The following ATP8A1 variants were observed in gnomAD, a reference collection of about 807,000 sequenced individuals.
ATP8A1 encodes the protein phospholipid-transporting ATPase IA.
A neutral mutation model predicts 177.7 loss-of-function variants in ATP8A1; 90 were observed. The ratio of observed to expected loss-of-function variants is 0.51; its 90% CI spans 0.43 to 0.60. The LOEUF (loss-of-function observed/expected upper bound fraction) is 0.60. Among genes scored for constraint, ATP8A1 ranks in the 20% least tolerant of loss-of-function variants. The probability of loss-of-function intolerance (pLI) is 0.00; values close to 1 mark genes in which losing one functional copy is unlikely to be tolerated. For missense variants in ATP8A1, 1,072 were observed against 1,392.8 expected (o/e 0.77, Z 3.67); for synonymous variants, 493 against 485.9 (o/e 1.01, Z -0.19).
intron 11 of ATP8A1, among the ~76,000 whole-genome samples, chr4:42,579,250 C>T (rs1338951048): frequency 1.3e-5 from 2 of 151,304 alleles, no homozygotes; most frequent in South Asian, 4.2e-4. Flanking sequence ...ATAGGACTTA[C>T]CACATTACTG....
chr4:42,435,175 C>G (rs1176487354), intron 33 of ATP8A1, among the ~76,000 whole-genome samples: 4 of 152,054 alleles, frequency 2.6e-5, no homozygotes, highest in Non-Finnish European at 4.4e-5. Context: ...CCTGTAATCC[C>G]AGCACTTTGG....
intron 16 of ATP8A1, among the ~76,000 whole-genome samples, chr4:42,555,759 G>T (rs1455061802): frequency 6.6e-6 from 1 of 152,140 alleles, no homozygotes; most frequent in Non-Finnish European, 1.5e-5. Context: ...GGGAGGCAGA[G>T]GTTGCAGTGA....
At chr4:42,593,537 A>C (rs1271237252) in intron 6 of ATP8A1, among the ~76,000 whole-genome samples, 1 of 152,074 alleles carries the variant, frequency 6.6e-6, no homozygotes, top group African/African-American at 2.4e-5. Flanking sequence ...TGATTAAATA[A>C]ATTTTGAAAA....
chr4:42,607,836 G>A (rs1217695055), intron 5 of ATP8A1, among the ~76,000 whole-genome samples: 1 of 145,272 alleles, frequency 6.9e-6, no homozygotes, highest in Non-Finnish European at 1.5e-5. Flanking sequence ...TATATGGAAA[G>A]CGTTAAGAGC....
intron 33 of ATP8A1, among the ~76,000 whole-genome samples, chr4:42,434,682 T>C (rs548085384): frequency 1.3e-5 from 2 of 152,206 alleles, no homozygotes; most frequent in Non-Finnish European, 2.9e-5. Flanking sequence ...ACTTTGGCTA[T>C]ATGATTAGCT....
chr4:42,609,425 C>T (rs1284443623), intron 5 of ATP8A1, among the ~76,000 whole-genome samples: 1 of 152,210 alleles, frequency 6.6e-6, no homozygotes, highest in East Asian at 1.9e-4. Flanking sequence ...TTCTCCTGCT[C>T]ACAGTCATGA....
intron 1 of ATP8A1, among the ~76,000 whole-genome samples, chr4:42,634,666 G>A (rs907218262): frequency 1.3e-5 from 2 of 152,156 alleles, no homozygotes; most frequent in Non-Finnish European, 2.9e-5. Flanking sequence ...AGCTACCTAC[G>A]CTCTTACAAG....
At chr4:42,467,468 C>T (rs577407175) in intron 25 of ATP8A1, among the ~76,000 whole-genome samples, 5 of 152,094 alleles carry the variant, frequency 3.3e-5, no homozygotes, top group African/African-American at 4.8e-5. Flanking sequence ...CTGAGGTGAG[C>T]GGATCACGAG....
chr4:42,476,999 C>T (rs1239236939), intron 25 of ATP8A1, among the ~76,000 whole-genome samples: 1 of 152,174 alleles, frequency 6.6e-6, no homozygotes. Context: ...TTCACACATA[C>T]ACAAGCACAC....
intron 31 of ATP8A1, 114 bp from the exon 32 acceptor site, chr4:42,444,748 T>C (rs1717025807): frequency 9.4e-7 from 1 of 1,063,572 alleles, no homozygotes; most frequent in African/African-American, 1.6e-5. Context: ...ACTAGGAGAC[T>C]GCTGCTTGCT....
At chr4:42,538,511 T>A (rs1033305762) in intron 20 of ATP8A1, among the ~76,000 whole-genome samples, 3 of 152,174 alleles carry the variant, frequency 2.0e-5, no homozygotes, top group African/African-American at 7.2e-5. Flanking sequence ...AAAGTATGCA[T>A]CTGATGAGGG....
chr4:42,465,175 T>C (rs1005953459), intron 25 of ATP8A1, 99 bp from the exon 26 acceptor site: 17 of 1,047,902 alleles, frequency 1.6e-5, no homozygotes, highest in African/African-American at 9.6e-5. Flanking sequence ...CCTAAATGAA[T>C]AGTTCTCTGA....
intron 27 of ATP8A1, among the ~76,000 whole-genome samples, chr4:42,461,111 T>G (rs954921449): frequency 6.6e-6 from 1 of 152,222 alleles, no homozygotes; most frequent in South Asian, 2.1e-4. Context: ...ATGTAAAATA[T>G]ACTCCAGATT....
chr4:42,631,716 C>G (rs896574667), intron 1 of ATP8A1, among the ~76,000 whole-genome samples: 1 of 152,172 alleles, frequency 6.6e-6, no homozygotes, highest in Non-Finnish European at 1.5e-5. Context: ...CATCTCCATA[C>G]CCATTTCCAC....
intron 24 of ATP8A1, among the ~76,000 whole-genome samples, chr4:42,488,085 C>T (rs979613234): frequency 2.6e-5 from 4 of 152,148 alleles, no homozygotes; most frequent in African/African-American, 9.7e-5. Flanking sequence ...TTACTAATGA[C>T]AATCTATAAT....
In ATP8A1 at chr4:42,480,685, T is replaced by C. The variant is rs16854406; in HGVS notation, c.2324+4811A>G. Among the ~76,000 whole-genome samples, 1,218 of 152,312 alleles carry C rather than the reference T, an allele frequency of 8.0e-3. 18 individuals are homozygous for C. Among genetic ancestry groups the C allele is most frequent in the African/African-American group, 0.028 (1,147 of 41,562 alleles). On this transcript the variant is annotated intron_variant, in intron 25 of 36. Transcript: ENST00000381668. The stretch of plus-strand genomic sequence containing the variant: ...TCATGCTATGACAGCAAATATTCAG[T>C]GTCCCTTTAGACTTCTTGCAGGACC...
intron 6 of ATP8A1, among the ~76,000 whole-genome samples, chr4:42,594,971 G>T (rs1270658725): frequency 6.6e-6 from 1 of 152,030 alleles, no homozygotes; most frequent in Non-Finnish European, 1.5e-5. Context: ...GCATTTTTCT[G>T]AGCCTGGCAT....
intron 15 of ATP8A1, among the ~76,000 whole-genome samples, chr4:42,562,802 C>T (rs1481530665): frequency 1.3e-5 from 2 of 152,188 alleles, no homozygotes; most frequent in South Asian, 2.1e-4. Flanking sequence ...TTTTCCTGCA[C>T]AAGCTCTCTT....
intron 1 of ATP8A1, among the ~76,000 whole-genome samples, chr4:42,638,598 T>C (rs1449784303): frequency 6.6e-6 from 1 of 152,186 alleles, no homozygotes; most frequent in Non-Finnish European, 1.5e-5. Context: ...AAACATTTAC[T>C]AACGCCATTT....
Sources: allele counts gnomAD v4.1 joint callset (sites outside exome capture counted in the v4.1 genomes callset), GRCh38; gene constraint gnomAD v4.1.1; transcripts MANE v1.5; gene names NCBI Gene and HGNC (gene_info 2026-07-23, HGNC 2026-07-21).